The following UBE2W variants were observed in gnomAD, a reference collection of about 807,000 sequenced individuals.
The protein encoded by UBE2W is ubiquitin-conjugating enzyme E2 W.
A neutral mutation model predicts 27.2 loss-of-function variants in UBE2W; 18 were observed. That is an observed-to-expected ratio of 0.66 (90% CI 0.46 to 0.98). The LOEUF (loss-of-function observed/expected upper bound fraction) is 0.98. Ranked by LOEUF, UBE2W falls within the 50% of genes least tolerant of loss-of-function variation. UBE2W has a pLI of 0.00. For missense variants in UBE2W, 90 were observed against 180.2 expected (o/e 0.50, Z 2.87); for synonymous variants, 53 against 57.2 (o/e 0.93, Z 0.33).
intron 1 of UBE2W, among the ~76,000 whole-genome samples, chr8:73,863,579 A>T (rs867710693): frequency 1.2e-4 from 11 of 92,672 alleles, no homozygotes; most frequent in Middle Eastern, 9.0e-3. Flanking sequence ...AAAGTATAAT[A>T]AAAAAAAAAA....
intron 1 of UBE2W, among the ~76,000 whole-genome samples, chr8:73,878,333 G>T (rs1339276642): frequency 6.6e-6 from 1 of 152,222 alleles, no homozygotes; most frequent in Non-Finnish European, 1.5e-5. Flanking sequence ...AGCGCCGTCC[G>T]CAGCCAGCCG....
chr8:73,868,419 T>C (rs922427077), intron 1 of UBE2W, among the ~76,000 whole-genome samples: 1 of 152,250 alleles, frequency 6.6e-6, no homozygotes, highest in African/African-American at 2.4e-5. Context: ...GTCTGTTCAA[T>C]TGTATCCTTT....
chr8:73,853,411 G>A (rs886106467), intron 1 of UBE2W, among the ~76,000 whole-genome samples: 2 of 152,086 alleles, frequency 1.3e-5, no homozygotes, highest in South Asian at 2.1e-4. Context: ...CTACAGGTGC[G>A]TGCCACCATG....
rs1171632229 is a variant in UBE2W, at chr8:73,791,700, AAG to A, written c.*2400_*2401del. On this transcript the variant is annotated 3_prime_UTR_variant, in exon 6 of 6. Transcript: ENST00000602593. ...GGAGTTTTCAATGATTCCTAAATTC[AAG>A]AGAGTGTTGTTAGCCTGATTATGAA... 4 of 985,088 alleles carry A rather than the reference AAG, an allele frequency of 4.1e-6. No homozygotes were observed. Among genetic ancestry groups the A allele is most frequent in the Non-Finnish European group, 4.8e-6 (4 of 829,750 alleles). 61.0% of individuals were successfully genotyped at this position (985,088 alleles called of 1,614,324 possible).
At chr8:73,855,535 G>A (rs988774526) in intron 1 of UBE2W, among the ~76,000 whole-genome samples, 3 of 151,328 alleles carry the variant, frequency 2.0e-5, no homozygotes, top group African/African-American at 7.3e-5. Flanking sequence ...CCAAGTAGCT[G>A]GGCTTACAGA....
intron 3 of UBE2W, among the ~76,000 whole-genome samples, chr8:73,811,248 T>TA (rs1809138685): frequency 6.6e-6 from 1 of 152,210 alleles, no homozygotes; most frequent in Non-Finnish European, 1.5e-5. Flanking sequence ...TTTGCAGTTT[T>TA]ACTCTCCTTT....
intron 2 of UBE2W, among the ~76,000 whole-genome samples, chr8:73,829,229 GT>G (rs1809974727): frequency 6.6e-6 from 1 of 151,920 alleles, no homozygotes; most frequent in Non-Finnish European, 1.5e-5. Flanking sequence ...GTGTTGTGTG[GT>G]TTCCCCATCC....
intron 2 of UBE2W, among the ~76,000 whole-genome samples, chr8:73,826,210 T>C (rs1290544822): frequency 1.3e-5 from 2 of 152,230 alleles, no homozygotes; most frequent in African/African-American, 2.4e-5. Context: ...TTTTCATATA[T>C]AACAATCATA....
intron 3 of UBE2W, among the ~76,000 whole-genome samples, chr8:73,816,444 A>G (rs1809387531): frequency 6.6e-6 from 1 of 152,230 alleles, no homozygotes; most frequent in Non-Finnish European, 1.5e-5. Context: ...AGACAAGATG[A>G]GGACATCACG....
At chr8:73,848,352 T>C (rs1810907511) in intron 1 of UBE2W, among the ~76,000 whole-genome samples, 2 of 152,198 alleles carry the variant, frequency 1.3e-5, no homozygotes, top group South Asian at 4.1e-4. Context: ...ATTTCATTTA[T>C]GTAAAGCTCA....
chr8:73,878,714 G>A, intron 1 of UBE2W, 94 bp downstream of exon 1: 8 of 1,157,178 alleles, frequency 6.9e-6, no homozygotes, highest in Admixed American at 2.0e-5. Context: ...GAACCCGCCC[G>A]GGTGTCCCCG....
chr8:73,790,239 C>T lies in UBE2W; in HGVS notation c.*3863G>A, dbSNP rs2130836182. ...AGAAAAGGAAACTGCGGAAGACTGACACATTGGACATCAGTGGGAAGAGGC... is the reference window on the plus strand; with the variant it reads ...AGAAAAGGAAACTGCGGAAGACTGATACATTGGACATCAGTGGGAAGAGGC... On this transcript the variant is annotated 3_prime_UTR_variant, in exon 6 of 6. Transcript: ENST00000602593. The T allele has an allele frequency of 1.0e-6, 1 of 984,128 alleles. No individual in the cohort carries two copies. The highest frequency in any genetic ancestry group is 1.2e-6 in the Non-Finnish European group (1 of 829,732). The allele number at this position is 984,128 out of a possible 1,614,324, so 61.0% of individuals were successfully genotyped here.
intron 1 of UBE2W, among the ~76,000 whole-genome samples, chr8:73,835,730 G>A (rs537438314): frequency 2.9e-4 from 44 of 152,196 alleles, no homozygotes; most frequent in African/African-American, 9.1e-4. Flanking sequence ...GCGAGAGAGC[G>A]AGACTTTGCC....
At position 73,787,731 on chromosome 8, in the gene UBE2W, T is replaced by C. The variant is rs1035615221; in HGVS notation, c.*6371A>G. The stretch of plus-strand genomic sequence containing the variant: ...AAGAGTCACTCATTTAAGTCATTAG[T>C]TGATCTGTTTGTATACTCCAGAAAG... On this transcript the variant is annotated 3_prime_UTR_variant, in exon 6 of 6. Coordinates refer to ENST00000602593, the MANE Select transcript of UBE2W (RefSeq NM_018299.6). The C allele has an allele frequency of 1.4e-5, 14 of 985,462 alleles. No homozygotes were observed. Among genetic ancestry groups the C allele is most frequent in the African/African-American group, 1.7e-5 (1 of 57,370 alleles). 61.0% of individuals were successfully genotyped at this position (985,462 alleles called of 1,614,324 possible).
chr8:73,850,069 C>T (rs1411450228), intron 1 of UBE2W, among the ~76,000 whole-genome samples: 1 of 151,942 alleles, frequency 6.6e-6, no homozygotes, highest in Non-Finnish European at 1.5e-5. Flanking sequence ...ATGAACAGCT[C>T]AAGCAGACCA....
chr8:73,830,637 C>T (rs114634661), intron 1 of UBE2W, among the ~76,000 whole-genome samples, 165 bp from the exon 2 acceptor site: 8 of 151,446 alleles, frequency 5.3e-5, no homozygotes, highest in Admixed American at 1.3e-4. Context: ...CAGGCACACA[C>T]CACAATGCCC....
chr8:73,781,213 T>C (rs1807834998), intron 4 of UBE2W, among the ~76,000 whole-genome samples: 1 of 144,716 alleles, frequency 6.9e-6, no homozygotes, highest in Admixed American at 7.5e-5. Context: ...GAGGTTGCAG[T>C]GAGCCGAGAT....
chr8:73,839,520 G>A (rs1053446731), intron 1 of UBE2W, among the ~76,000 whole-genome samples: 1 of 151,684 alleles, frequency 6.6e-6, no homozygotes, highest in Non-Finnish European at 1.5e-5. Context: ...AGCCGGGCAT[G>A]GTGGCACATG....
intron 1 of UBE2W, among the ~76,000 whole-genome samples, chr8:73,877,966 T>C (rs992307009): frequency 6.6e-6 from 1 of 152,190 alleles, no homozygotes; most frequent in African/African-American, 2.4e-5. Flanking sequence ...AAACGCCTCC[T>C]ACCAAACTAA....
Sources: gnomAD v4.1 joint callset for allele counts (sites outside exome capture counted in the v4.1 genomes callset) on GRCh38, gnomAD v4.1.1 for gene constraint, MANE v1.5 for transcripts, NCBI Gene and HGNC (gene_info 2026-07-23, HGNC 2026-07-21) for gene names.